Variants in TRUB2 observed in about 807,000 individuals in gnomAD.
TRUB2 encodes pseudouridylate synthase TRUB2, mitochondrial.
A neutral mutation model predicts 31.9 loss-of-function variants in TRUB2; 31 were observed. That is an observed-to-expected ratio of 0.97 (90% CI 0.73 to 1.31). The LOEUF is 1.31. Among genes scored for constraint, TRUB2 ranks in the 50% most tolerant of loss-of-function variants. The probability of loss-of-function intolerance (pLI) is 0.00; values close to 1 mark genes in which losing one functional copy is unlikely to be tolerated. For missense variants in TRUB2, 451 were observed against 439.6 expected (o/e 1.03, Z -0.23); for synonymous variants, 201 against 182.6 (o/e 1.10, Z -0.81).
intron 2 of TRUB2, among the ~76,000 whole-genome samples, chr9:128,318,329 C>A (rs1417644775): frequency 1.3e-5 from 2 of 152,062 alleles, no homozygotes; most frequent in South Asian, 2.1e-4. Context: ...CCAGCCTGGG[C>A]AACAGAGCAA....
chr9:128,310,913 T>C lies in TRUB2; in HGVS notation c.644A>G (p.Tyr215Cys), dbSNP rs745922398. 1 of 1,614,210 alleles carries C rather than the reference T, an allele frequency of 6.2e-7. No homozygotes were observed. Among genetic ancestry groups the C allele is most frequent in the Non-Finnish European group, 8.5e-7 (1 of 1,180,026 alleles). Residue 215 changes from tyrosine (Y) to cysteine (C), a missense_variant, in exon 7 of 8, where the codon TAC becomes TGC. Coordinates refer to ENST00000372890, the MANE Select transcript of TRUB2 (RefSeq NM_015679.3). ...TAAGAGGAATTCCGGAGGTGCAAAG[T>C]AGAGGCATCGGATGCCAGTTATCAG... ...PMLITGIRCL[Y>C]FAPPEFLLEV...
rs1382825572 is a variant in TRUB2 at position 128,317,147 on chromosome 9, C to A, written c.316+5G>T. On this transcript the variant is annotated splice_donor_5th_base_variant and intron_variant, in intron 3 of 7. Coordinates refer to ENST00000372890, the MANE Select transcript of TRUB2 (RefSeq NM_015679.3). Reference sequence around the variant, plus strand: ...CTGTACCCCCAGGCTTCTCACATCACCTACCAAGTACTCCAGAAGCCTGGG... The same window carrying A: ...CTGTACCCCCAGGCTTCTCACATCAACTACCAAGTACTCCAGAAGCCTGGG... 3.2e-6 allele frequency: 5 copies of A among 1,573,376 alleles called. No individual in the cohort carries two copies. Among genetic ancestry groups the A allele is most frequent in the Non-Finnish European group, 3.5e-6 (4 of 1,157,330 alleles).
intron 1 of TRUB2, 37 bp downstream of exon 1, chr9:128,322,263 C>T (rs1053513471): frequency 4.5e-6 from 7 of 1,561,832 alleles, no homozygotes; most frequent in African/African-American, 1.4e-5. Context: ...TCCAAGAGAA[C>T]GAGAGCGGGA....
chr9:128,309,238 TACA>T lies in TRUB2; in HGVS notation c.*309_*311del. On this transcript the variant is annotated 3_prime_UTR_variant, in exon 8 of 8. Coordinates refer to ENST00000372890, the MANE Select transcript of TRUB2 (RefSeq NM_015679.3). Reference sequence around the variant, plus strand: ...TATTCACAGGCGCCGTCTAGCGCACTACAACCTTAAACTCCTGGGCTCAAGCAA... The same window carrying T: ...TATTCACAGGCGCCGTCTAGCGCACTACCTTAAACTCCTGGGCTCAAGCAA... 8.3e-6 allele frequency: 3 copies of T among 362,792 alleles called. No homozygotes were observed. In the South Asian group the frequency reaches 1.2e-4, roughly 14 times the overall value. The allele number at this position is 362,792 out of a possible 1,614,324, so 22.5% of individuals were successfully genotyped here.
chr9:128,320,385 T>C (rs1013954588), intron 2 of TRUB2, among the ~76,000 whole-genome samples: 4 of 150,844 alleles, frequency 2.7e-5, no homozygotes, highest in Non-Finnish European at 5.9e-5. Context: ...CAGGCTAGAG[T>C]GCAATGGCAC....
chr9:128,320,649 G>C (rs1832149754), intron 2 of TRUB2, among the ~76,000 whole-genome samples: 1 of 151,906 alleles, frequency 6.6e-6, no homozygotes, highest in African/African-American at 2.4e-5. Context: ...TTCTCTTGTA[G>C]AAGTAGGGTT....
chr9:128,321,712 G>A lies in TRUB2; in HGVS notation c.128C>T (p.Pro43Leu), dbSNP rs1365612443. 7 of 1,613,492 alleles carry A rather than the reference G, an allele frequency of 4.3e-6. No individual in the cohort carries two copies. The East Asian group carries it at 8.9e-5, about 21-fold the overall frequency. The change falls in exon 2 of 8, where the codon CCT (proline) becomes CTT (leucine). Residue 43 changes from proline (P) to leucine (L), a missense_variant. By Grantham distance (98) the Pro-to-Leu change is moderately conservative (BLOSUM62 -3). Transcript: ENST00000372890. ...GCGAACACGCTGTTTAGGAGCGGGAGGCTTCCTGGCATTGAGACCTGAACA... is the reference window on the plus strand; with the variant it reads ...GCGAACACGCTGTTTAGGAGCGGGAAGCTTCCTGGCATTGAGACCTGAACA... ...QLLKGLNARKPPAPKQRVRFL... is the reference protein window; with the variant it reads ...QLLKGLNARKLPAPKQRVRFL...
chr9:128,316,906 T>C, intron 3 of TRUB2: 1 of 487,540 alleles, frequency 2.1e-6, no homozygotes, highest in South Asian at 3.2e-5. Context: ...TAAATGTGCA[T>C]AAAGGGCCTC....
chr9:128,316,747 C>T (rs115238701), intron 3 of TRUB2: 2,588 of 179,404 alleles, frequency 0.014, 70 homozygotes, highest in African/African-American at 0.057. Flanking sequence ...CAGAGTCACG[C>T]GCCTGGCTGC....
Position 128,317,193 on chromosome 9 carries a change from C to T in TRUB2, c.275G>A (p.Gly92Asp). ...CGPAFAHLKV[G>D]VGHRLDAQAS... is the part of the protein sequence containing the mutation. ...CTGGGCATCCAACCGATGTCCCACGCCAACCTTGAGATGGGCGAATGCTGG... is the reference window on the plus strand; with the variant it reads ...CTGGGCATCCAACCGATGTCCCACGTCAACCTTGAGATGGGCGAATGCTGG... Residue 92 changes from glycine (G) to aspartate (D), a missense_variant, in exon 3 of 8, where the codon GGC becomes GAC. By Grantham distance (94) the Gly-to-Asp change is moderately conservative. Transcript: ENST00000372890. The T allele has an allele frequency of 6.3e-7, 1 of 1,595,128 alleles. No homozygotes were observed. Among genetic ancestry groups the T allele is most frequent in the South Asian group, 1.1e-5 (1 of 88,162 alleles).
At position 128,317,242 on chromosome 9, in the gene TRUB2, CAA is replaced by C; in HGVS notation, c.242-18_242-17del. The C allele has an allele frequency of 6.3e-7, 1 of 1,584,580 alleles. No homozygotes were observed. Among genetic ancestry groups the C allele is most frequent in the African/African-American group, 1.3e-5 (1 of 74,540 alleles). Reference sequence around the variant, plus strand: ...GGTCCACATACTGGAAAGAAACAAACAAGGTCCATTTTCTCAACTAAATGCCA... The same window carrying C: ...GGTCCACATACTGGAAAGAAACAAACGGTCCATTTTCTCAACTAAATGCCA... On this transcript the variant is annotated splice_polypyrimidine_tract_variant and intron_variant, in intron 2 of 7. Coordinates refer to ENST00000372890, the MANE Select transcript of TRUB2 (RefSeq NM_015679.3).
chr9:128,310,310 G>A (rs1191788367), intron 7 of TRUB2, among the ~76,000 whole-genome samples: 8 of 151,880 alleles, frequency 5.3e-5, no homozygotes. Flanking sequence ...GTTAGAACCT[G>A]CCTTTTACTA....
chr9:128,320,152 G>C (rs989974489), intron 2 of TRUB2, among the ~76,000 whole-genome samples: 2 of 150,446 alleles, frequency 1.3e-5, no homozygotes, highest in African/African-American at 2.4e-5. Context: ...TCCTGACCTC[G>C]TGATCCGCCC....
intron 2 of TRUB2, among the ~76,000 whole-genome samples, chr9:128,319,572 G>A (rs1037240090): frequency 2.0e-5 from 3 of 151,720 alleles, no homozygotes; most frequent in Non-Finnish European, 4.4e-5. Context: ...AAAATTTGTA[G>A]ATGTTCAAGT....
chr9:128,315,624 G>A lies in TRUB2; in HGVS notation c.321C>T (p.Leu107=), dbSNP rs199498719. The A allele has an allele frequency of 5.3e-5, 85 of 1,613,292 alleles. No homozygotes were observed. In the East Asian group the frequency reaches 7.4e-4, roughly 14 times the overall value. ...GGAGCCTGCATCCATGTCCCACGCCGAGCACTGAAAAGCAGCCAGCGTCAT... is the reference window on the plus strand; with the variant it reads ...GGAGCCTGCATCCATGTCCCACGCCAAGCACTGAAAAGCAGCCAGCGTCAT... ...LDAQASGVLV[L]GVGHGCRLLT... The change falls in exon 4 of 8, where the codon CTC becomes CTT. Residue 107 remains leucine (L), a synonymous_variant. Transcript: ENST00000372890.
intron 2 of TRUB2, among the ~76,000 whole-genome samples, chr9:128,321,269 A>AG (rs1179310056): frequency 1.4e-4 from 22 of 152,350 alleles, no homozygotes; most frequent in African/African-American, 5.3e-4. Context: ...AACTGTACTT[A>AG]GTGACACGTG....
rs1348422102 is a variant in TRUB2 at position 128,307,393 on chromosome 9, T to C, written c.*2157A>G. 6.6e-6 allele frequency: 1 copy of C among 151,666 alleles called. No individual in the cohort carries two copies. Among genetic ancestry groups the C allele is most frequent in the Non-Finnish European group, 1.5e-5 (1 of 67,992 alleles). The allele number at this position is 151,666 out of a possible 1,614,324, so 9.4% of individuals were successfully genotyped here. A position where few individuals can be genotyped will look rare whatever the true frequency, so the allele number is the denominator to read the frequency against. On this transcript the variant is annotated 3_prime_UTR_variant, in exon 8 of 8. Transcript: ENST00000372890. ...AGGATGACGGTGCAGTGAGTCATGT[T>C]TGCACCATTGCACTCCAGCCTGGGT...
intron 5 of TRUB2, among the ~76,000 whole-genome samples, chr9:128,312,576 G>A (rs34328335): frequency 0.021 from 3,124 of 150,866 alleles, 39 homozygotes; most frequent in Middle Eastern, 0.032. Context: ...GATTATAGGC[G>A]TGCACTACCA....
At chr9:128,311,371 CAGAACCATTTCTTAATGCCA>C in intron 6 of TRUB2, 138 bp downstream of exon 6, 1 of 790,208 alleles carries the variant, frequency 1.3e-6, no homozygotes, top group East Asian at 2.7e-5. Flanking sequence ...ACCTGGCACA[CAGAACCATTTCTTAATGCCA>C]AGAAAGAAAC....
Sources: allele counts gnomAD v4.1 joint callset (sites outside exome capture counted in the v4.1 genomes callset), GRCh38; gene constraint gnomAD v4.1.1; transcripts MANE v1.5; gene names NCBI Gene and HGNC (gene_info 2026-07-23, HGNC 2026-07-21).